FAM118A: variants seen among roughly 807,000 people sequenced by gnomAD.
FAM118A encodes the protein protein FAM118A.
Under a neutral mutation model 38.2 loss-of-function variants are expected in FAM118A, and 25 were observed. The observed-to-expected ratio is 0.65, with a 90% CI of 0.48 to 0.91. FAM118A has a LOEUF of 0.91. Among genes scored for constraint, FAM118A ranks in the 40% least tolerant of loss-of-function variants. The probability of loss-of-function intolerance (pLI) is 0.00; values close to 1 mark genes in which losing one functional copy is unlikely to be tolerated. For missense variants in FAM118A, 425 were observed against 463.3 expected, an observed-to-expected ratio of 0.92 and a Z score of 0.76; for synonymous variants, 178 against 184.1, an observed-to-expected ratio of 0.97 and a Z score of 0.27.
At position 45,341,440 on chromosome 22, in the gene FAM118A, G is replaced by A. The variant is rs2086448111; in HGVS notation, c.*1035G>A. The A allele has an allele frequency of 6.6e-6, 1 of 152,220 alleles. No homozygotes were observed. The highest frequency in any genetic ancestry group is 6.5e-5 in the Admixed American group (1 of 15,292). 9.4% of individuals were successfully genotyped at this position (152,220 alleles called of 1,614,324 possible). On this transcript the variant is annotated 3_prime_UTR_variant, in exon 9 of 9. Transcript: ENST00000441876. ...AGGTTTCAAACATTATAAGTTCCAG[G>A]CTTTGCAAGTCTTTATTCTCTGGGG...
In FAM118A at chr22:45,310,119, T is replaced by C. The variant is rs1439867901; in HGVS notation, c.-74T>C. The C allele has an allele frequency of 6.6e-6, 1 of 150,596 alleles. No homozygotes were observed. The highest frequency in any genetic ancestry group is 6.6e-5 in the Admixed American group (1 of 15,214). The allele number at this position is 150,596 out of a possible 1,614,324, so 9.3% of individuals were successfully genotyped here. On this transcript the variant is annotated 5_prime_UTR_variant, in exon 1 of 9. Transcript: ENST00000441876. ...CGGCCGCCGAGAGACCCCGGAGGCG[T>C]AGCCGGCTGCGGAGGCGAAGAGGTG...
intron 5 of FAM118A, among the ~76,000 whole-genome samples, chr22:45,331,046 A>G (rs1475629113): frequency 6.6e-6 from 1 of 152,196 alleles, no homozygotes; most frequent in Non-Finnish European, 1.5e-5. Flanking sequence ...TCACCTGCCC[A>G]GGTATATAGT....
intron 8 of FAM118A, among the ~76,000 whole-genome samples, chr22:45,336,654 A>T (rs2086119966): frequency 6.6e-6 from 1 of 152,262 alleles, no homozygotes; most frequent in Admixed American, 6.5e-5. Flanking sequence ...GAGAAAACAT[A>T]CACTAAGAAG....
chr22:45,322,804 G>A (rs969015797), intron 2 of FAM118A, among the ~76,000 whole-genome samples: 1 of 152,192 alleles, frequency 6.6e-6, no homozygotes, highest in Non-Finnish European at 1.5e-5. Flanking sequence ...GCATTTGCCA[G>A]TAACTGTCTT....
At chr22:45,324,164 A>C (rs1324290174) in intron 3 of FAM118A, among the ~76,000 whole-genome samples, 5 of 152,232 alleles carry the variant, frequency 3.3e-5, no homozygotes, top group African/African-American at 1.2e-4. Context: ...TGAGCTCGTC[A>C]CCAAGGAGAG....
chr22:45,320,185 C>T (rs192946551), intron 1 of FAM118A, among the ~76,000 whole-genome samples: 1 of 152,184 alleles, frequency 6.6e-6, no homozygotes, highest in East Asian at 1.9e-4. Flanking sequence ...GATTTTTCAG[C>T]CAGTTGCTGT....
chr22:45,319,929 G>T (rs904631982), intron 1 of FAM118A, among the ~76,000 whole-genome samples: 3 of 152,134 alleles, frequency 2.0e-5, no homozygotes, highest in Admixed American at 6.6e-5. Context: ...TAGCATTTGG[G>T]GTAAGGTCGC....
chr22:45,329,285 G>T (rs1410686172), intron 4 of FAM118A: 1 of 152,256 alleles, frequency 6.6e-6, no homozygotes, highest in East Asian at 1.9e-4. Flanking sequence ...AAAGACTGAT[G>T]ATGTAAATTA....
At chr22:45,340,270 A>T in intron 8 of FAM118A, 116 bp from the exon 9 acceptor site, 1 of 1,294,916 alleles carries the variant, frequency 7.7e-7, no homozygotes, top group Non-Finnish European at 1.1e-6. Flanking sequence ...GGGGTTTTCA[A>T]AGTCTTCCGT....
chr22:45,330,437 A>G, intron 4 of FAM118A, 166 bp from the exon 5 acceptor site: 1 of 707,972 alleles, frequency 1.4e-6, no homozygotes, highest in Non-Finnish European at 2.1e-6. Flanking sequence ...AGGGCTCACA[A>G]CCAAGTTTCT....
At chr22:45,315,144 A>T (rs534935635) in intron 1 of FAM118A, among the ~76,000 whole-genome samples, 12 of 152,186 alleles carry the variant, frequency 7.9e-5, no homozygotes, top group Non-Finnish European at 1.5e-4. Flanking sequence ...TTTGAATTAG[A>T]TTCTTTTTCT....
At position 45,335,223 on chromosome 22, in the gene FAM118A, C is replaced by T. The variant is rs79664112; in HGVS notation, c.938-127C>T. ...GCGAGCAGCGCAGGAGTCCGCAGCCCGCGCGGGCTGACCTGCCCAGAAGCC... is the reference window on the plus strand; with the variant it reads ...GCGAGCAGCGCAGGAGTCCGCAGCCTGCGCGGGCTGACCTGCCCAGAAGCC... On this transcript the variant is annotated intron_variant, in intron 6 of 8. Transcript: ENST00000441876. The T allele has an allele frequency of 3.3e-3, 3,231 of 982,032 alleles. 38 individuals are homozygous for T. The African/African-American group carries it at 0.036, about 11-fold the overall frequency. The allele number at this position is 982,032 out of a possible 1,614,324, so 60.8% of individuals were successfully genotyped here.
At chr22:45,322,082 C>A (rs2084912577) in intron 1 of FAM118A, 2 of 886,756 alleles carry the variant, frequency 2.3e-6, no homozygotes, top group Admixed American at 3.1e-5. Context: ...AGCTCGGAGC[C>A]CACAGAGCCC....
At chr22:45,313,722 AGG>A (rs1272112487) in intron 1 of FAM118A, among the ~76,000 whole-genome samples, 2 of 152,216 alleles carry the variant, frequency 1.3e-5, no homozygotes, top group African/African-American at 4.8e-5. Context: ...GGCTTAGGTG[AGG>A]GAGAGACAGA....
chr22:45,331,952 A>G (rs748066641), intron 5 of FAM118A, among the ~76,000 whole-genome samples: 57 of 152,058 alleles, frequency 3.7e-4, no homozygotes, highest in Admixed American at 1.5e-3. Context: ...GAATTCCCAC[A>G]TATGGCCCAC....
chr22:45,339,410 A>G (rs1334211624), intron 8 of FAM118A, among the ~76,000 whole-genome samples: 4 of 152,144 alleles, frequency 2.6e-5, no homozygotes, highest in African/African-American at 9.7e-5. Flanking sequence ...AAAAAGATAA[A>G]ATAATAATAA....
intron 2 of FAM118A, 95 bp from the exon 3 acceptor site, chr22:45,323,080 C>G: frequency 4.5e-6 from 5 of 1,110,876 alleles, no homozygotes; most frequent in South Asian, 2.9e-5. Flanking sequence ...TGTGTGTACA[C>G]AGCACAAGGC....
At position 45,332,665 on chromosome 22, in the gene FAM118A, T is replaced by A. The variant is rs1458400689; in HGVS notation, c.892T>A (p.Tyr298Asn). The A allele has an allele frequency of 3.1e-6, 5 of 1,614,072 alleles. No homozygotes were observed. The highest frequency in any genetic ancestry group is 1.7e-5 in the Admixed American group (1 of 60,014). ...GGACTGTTTTGACCACTTTCCAGGATATGTGCAAGACCTTGCCACTCAGAT... is the reference window on the plus strand; with the variant it reads ...GGACTGTTTTGACCACTTTCCAGGAAATGTGCAAGACCTTGCCACTCAGAT... Reference protein sequence around the residue: ...YGDCFDHFPGYVQDLATQICK... With the variant: ...YGDCFDHFPGNVQDLATQICK... The change falls in exon 6 of 9, where the codon TAT becomes AAT. Residue 298 changes from tyrosine to asparagine, a missense_variant. Coordinates refer to ENST00000441876, the MANE Select transcript of FAM118A (RefSeq NM_017911.4).
intron 1 of FAM118A, among the ~76,000 whole-genome samples, chr22:45,315,832 C>T (rs752202221): frequency 1.1e-4 from 17 of 152,138 alleles, no homozygotes; most frequent in Non-Finnish European, 2.2e-4. Context: ...CCTAATGCTG[C>T]TTCAGGTGGG....
Sources: allele counts gnomAD v4.1 joint callset (sites outside exome capture counted in the v4.1 genomes callset), GRCh38; gene constraint gnomAD v4.1.1; transcripts MANE v1.5; gene names NCBI Gene and HGNC (gene_info 2026-07-23, HGNC 2026-07-21).